RBFOX1: variants seen among roughly 807,000 people sequenced by gnomAD.
The protein encoded by RBFOX1 is RNA binding fox-1 homolog 1, also known as RNA binding protein fox-1 homolog 1.
In RBFOX1, 8 loss-of-function variants were observed where a neutral mutation model predicts 57.7. That is an observed-to-expected ratio of 0.14 (90% confidence interval 0.08 to 0.25). The LOEUF is 0.25. Ranked by LOEUF, RBFOX1 falls within the 10% of genes least tolerant of loss-of-function variation. The pLI is 1.00. For synonymous variants in RBFOX1, 326 were observed against 222.4 expected (o/e 1.47, Z -4.15); for missense variants, 611 against 548.5 (o/e 1.11, Z -1.14).
chr16:6,361,723 C>A (rs1054248578), intron 2 of RBFOX1, among the ~76,000 whole-genome samples: 1 of 151,884 alleles, frequency 6.6e-6, no homozygotes. Context: ...TATCTTTATA[C>A]CAATTGAATC....
chr16:7,156,337 A>G lies in RBFOX1; in HGVS notation c.27+104239A>G, dbSNP rs142547119. On this transcript the variant is annotated intron_variant, in intron 4 of 15. Coordinates refer to ENST00000550418, the MANE Select transcript of RBFOX1 (RefSeq NM_018723.4). ...ATATATAGACTTGCAGCATATGTAT[A>G]TACATATCTGTACATATACATGCAC... Among the ~76,000 whole-genome samples the G allele has an allele frequency of 1.1e-3, 172 of 152,202 alleles. 1 individual carries two copies. Among genetic ancestry groups the G allele is most frequent in the African/African-American group, 3.9e-3 (162 of 41,540 alleles).
chr16:5,577,032 T>TCC (rs2046479384), intron 2 of RBFOX1, among the ~76,000 whole-genome samples: 1 of 152,172 alleles, frequency 6.6e-6, no homozygotes, highest in Non-Finnish European at 1.5e-5. Flanking sequence ...TGCTCCTCTC[T>TCC]CCCCAATTTC....
chr16:7,567,092 T>A (rs1009546116), intron 5 of RBFOX1, among the ~76,000 whole-genome samples: 3 of 150,674 alleles, frequency 2.0e-5, no homozygotes, highest in African/African-American at 7.3e-5. Context: ...TATATATATA[T>A]CTCCCTATAT....
chr16:6,353,717 G>T lies in RBFOX1; in HGVS notation c.-64+36660G>T, dbSNP rs576755216. Reference sequence around the variant, plus strand: ...GTCACTTGGTTATTTCGGCCACAAAGTCTTTGCTACACTGGTTTCCATAAA... The same window carrying T: ...GTCACTTGGTTATTTCGGCCACAAATTCTTTGCTACACTGGTTTCCATAAA... On this transcript the variant is annotated intron_variant, in intron 2 of 15. Coordinates refer to ENST00000550418, the MANE Select transcript of RBFOX1 (RefSeq NM_018723.4). 3.3e-5 allele frequency among the ~76,000 whole-genome samples: 5 copies of T among 152,258 alleles called. No individual in the cohort carries two copies. In the East Asian group the frequency reaches 7.8e-4, roughly 24 times the overall value.
intron 1 of RBFOX1, among the ~76,000 whole-genome samples, chr16:5,405,905 C>A (rs1456528345): frequency 6.6e-6 from 1 of 152,092 alleles, no homozygotes; most frequent in Non-Finnish European, 1.5e-5. Context: ...TCCCCACAGG[C>A]TGAGGACAGG....
At chr16:5,519,303 G>A (rs558002651) in intron 2 of RBFOX1, among the ~76,000 whole-genome samples, 1 of 152,212 alleles carries the variant, frequency 6.6e-6, no homozygotes, top group African/African-American at 2.4e-5. Context: ...TGTTTTTCAT[G>A]TCCTGGGGCA....
chr16:5,984,698 T>C (rs2060246115), intron 4 of RBFOX1, among the ~76,000 whole-genome samples: 1 of 152,016 alleles, frequency 6.6e-6, no homozygotes, highest in Admixed American at 6.6e-5. Context: ...TTAGGGAATG[T>C]TGTCATTATG....
intron 2 of RBFOX1, among the ~76,000 whole-genome samples, chr16:5,538,700 A>T (rs1276799428): frequency 6.7e-6 from 1 of 149,400 alleles, no homozygotes; most frequent in African/African-American, 2.5e-5. Context: ...ATCTCCGCTC[A>T]CTGCAACCTT....
chr16:7,160,865 T>C (rs1462217871), intron 4 of RBFOX1, among the ~76,000 whole-genome samples: 1 of 151,788 alleles, frequency 6.6e-6, no homozygotes, highest in Admixed American at 6.6e-5. Context: ...TCCTTCTTTT[T>C]CTTCGTTCAA....
chr16:7,178,218 A>T (rs1049554032), intron 4 of RBFOX1, among the ~76,000 whole-genome samples: 1 of 152,226 alleles, frequency 6.6e-6, no homozygotes, highest in Non-Finnish European at 1.5e-5. Flanking sequence ...TTTCCTCCAC[A>T]CAGTGACCTA....
rs570966221 is a variant in RBFOX1 at position 6,787,057 on chromosome 16, T to G, written c.-16+132407T>G. Among the ~76,000 whole-genome samples the G allele has an allele frequency of 2.0e-5, 3 of 152,288 alleles. 1 individual carries two copies. The East Asian group carries it at 5.8e-4, about 29-fold the overall frequency. On this transcript the variant is annotated intron_variant, in intron 3 of 15. Coordinates refer to ENST00000550418, the MANE Select transcript of RBFOX1 (RefSeq NM_018723.4). Reference sequence around the variant, plus strand: ...AGAAATACATTAGTTGATTTGAATTTTGAATACGTGAAAAGAAAGCATCCC... The same window carrying G: ...AGAAATACATTAGTTGATTTGAATTGTGAATACGTGAAAAGAAAGCATCCC...
intron 2 of RBFOX1, among the ~76,000 whole-genome samples, chr16:6,400,009 A>G (rs2093004274): frequency 6.6e-6 from 1 of 152,096 alleles, no homozygotes; most frequent in Non-Finnish European, 1.5e-5. Flanking sequence ...CCCTCCCACA[A>G]CATGTGAGGA....
intron 1 of RBFOX1, among the ~76,000 whole-genome samples, chr16:5,318,602 A>G: frequency 6.6e-6 from 1 of 152,182 alleles, no homozygotes; most frequent in Non-Finnish European, 1.5e-5. Flanking sequence ...CAAACAAAAA[A>G]ACAAAACAAA....
chr16:7,596,172 GT>G lies in RBFOX1; in HGVS notation c.561+544del, dbSNP rs1267738626. On this transcript the variant is annotated intron_variant, in intron 8 of 15. Coordinates refer to ENST00000550418, the MANE Select transcript of RBFOX1 (RefSeq NM_018723.4). Reference sequence around the variant, plus strand: ...ACGAGAGGTTTTTACTAAACCTCTCGTTTTTTTTTTTTTAAGAAGCCAGTTT... The same window carrying G: ...ACGAGAGGTTTTTACTAAACCTCTCGTTTTTTTTTTTTAAGAAGCCAGTTT... Among the ~76,000 whole-genome samples, 207 of 115,460 alleles carry G rather than the reference GT, an allele frequency of 1.8e-3. 1 individual carries two copies. Among genetic ancestry groups the G allele is most frequent in the East Asian group, 7.2e-3 (28 of 3,884 alleles). 75.7% of individuals were successfully genotyped at this position (115,460 alleles called of 152,430 possible). A position where few individuals can be genotyped will look rare whatever the true frequency, so the allele number is the denominator to read the frequency against.
intron 4 of RBFOX1, among the ~76,000 whole-genome samples, chr16:7,346,071 T>G (rs1332689087): frequency 6.6e-6 from 1 of 152,152 alleles, no homozygotes; most frequent in Non-Finnish European, 1.5e-5. Flanking sequence ...AGTGAGAACA[T>G]GCGGTGTTTG....
At chr16:6,018,862 C>A (rs572570089), upstream of RBFOX1, among the ~76,000 whole-genome samples, 24 of 152,070 alleles carry the variant, frequency 1.6e-4, no homozygotes, top group African/African-American at 5.1e-4. Flanking sequence ...GCTCATTGCC[C>A]CAGCATCCAA....
chr16:5,454,902 C>CTTTCTTTCTTTCTTTCT (rs1555524179), intron 1 of RBFOX1, among the ~76,000 whole-genome samples: 6 of 66,692 alleles, frequency 9.0e-5, no homozygotes, highest in African/African-American at 2.6e-4. Context: ...TTCTTTCTTT[C>CTTTCTTTCTTTCTTTCT]TTTCTTTCTT....
chr16:7,122,795 A>G (rs1391615596), intron 4 of RBFOX1, among the ~76,000 whole-genome samples: 1 of 152,202 alleles, frequency 6.6e-6, no homozygotes, highest in Non-Finnish European at 1.5e-5. Flanking sequence ...ATAGCCCCCT[A>G]GAAACAAGCC....
At chr16:7,282,954 TTGTGTATCTGTGTG>T (rs2095576455) in intron 4 of RBFOX1, among the ~76,000 whole-genome samples, 2 of 152,290 alleles carry the variant, frequency 1.3e-5, no homozygotes, top group South Asian at 4.1e-4. Context: ...GTGTGTGTGT[TTGTGTATCTGTGTG>T]TGTGTATCTC....
Sources: allele counts gnomAD v4.1 joint callset (sites outside exome capture counted in the v4.1 genomes callset), GRCh38; gene constraint gnomAD v4.1.1; transcripts MANE v1.5; gene names NCBI Gene and HGNC (gene_info 2026-07-23, HGNC 2026-07-21).